TBC1D9B: variants seen among roughly 807,000 people sequenced by gnomAD.
TBC1D9B encodes the protein TBC1 domain family, member 9B (with GRAM domain).
A neutral mutation model predicts 121.1 loss-of-function variants in TBC1D9B; 87 were observed. The ratio of observed to expected loss-of-function variants is 0.72; its 90% CI spans 0.60 to 0.86. The LOEUF (loss-of-function observed/expected upper bound fraction) is 0.86. Ranked by LOEUF, TBC1D9B falls within the 40% of genes least tolerant of loss-of-function variation. The pLI is 0.00. For synonymous variants in TBC1D9B, 668 were observed against 670.1 expected (o/e 1.00, Z 0.05); for missense variants, 1,540 against 1,628.6 (o/e 0.95, Z 0.94).
chr5:179,879,543 A>G, intron 8 of TBC1D9B, 85 bp downstream of exon 8: 1 of 1,594,350 alleles, frequency 6.3e-7, no homozygotes, highest in Non-Finnish European at 8.6e-7. Context: ...CCCTGAGGGA[A>G]GGCCCAGGCC....
intron 17 of TBC1D9B, 124 bp downstream of exon 17, chr5:179,869,645 C>G (rs1461677992): frequency 2.9e-6 from 3 of 1,046,160 alleles, no homozygotes; most frequent in Non-Finnish European, 4.3e-6. Flanking sequence ...CCAATGTGAA[C>G]CTCCAGCCTG....
intron 6 of TBC1D9B, among the ~76,000 whole-genome samples, chr5:179,888,871 C>T (rs1367248788): frequency 2.0e-5 from 3 of 151,952 alleles, no homozygotes; most frequent in Non-Finnish European, 4.4e-5. Flanking sequence ...CCAGGGGAGG[C>T]GGCCACTGAG....
intron 7 of TBC1D9B, among the ~76,000 whole-genome samples, chr5:179,883,466 T>C (rs565141061): frequency 6.6e-6 from 1 of 152,322 alleles, no homozygotes; most frequent in South Asian, 2.1e-4. Context: ...TTTTCTCCTA[T>C]CTCTTCCTTA....
intron 16 of TBC1D9B, 144 bp downstream of exon 16, chr5:179,870,111 C>G: frequency 7.2e-7 from 1 of 1,396,000 alleles, no homozygotes; most frequent in Non-Finnish European, 9.7e-7. Context: ...CGTGGGTAAA[C>G]TGTTCTTCCC....
Position 179,875,224 on chromosome 5 carries a change from C to T in TBC1D9B, c.1901-37G>A. 6.2e-7 allele frequency: 1 copy of T among 1,600,106 alleles called. No homozygotes were observed. Among genetic ancestry groups the T allele is most frequent in the Non-Finnish European group, 8.5e-7 (1 of 1,174,926 alleles). On this transcript the variant is annotated intron_variant, in intron 11 of 20. Transcript: ENST00000355235. This position sits in a 1 kb window ranked among gnomAD's most constrained non-coding sequence, Gnocchi z 4.5. ...ATGAGCGAGGCTGATGGTGAGCCCA[C>T]CCTGTGGCCTGGGTGGGCCCTCACC...
Position 179,891,801 on chromosome 5 carries a change from C to T in TBC1D9B, c.837-215G>A, listed in dbSNP as rs181125235. Reference sequence around the variant, plus strand: ...GAAGGTGAGACAGTCACATAACCAGCGGAGAAGTGGCCAGCAAGCAATGTG... The same window carrying T: ...GAAGGTGAGACAGTCACATAACCAGTGGAGAAGTGGCCAGCAAGCAATGTG... On this transcript the variant is annotated intron_variant, in intron 5 of 20. Coordinates refer to ENST00000355235, the MANE Select transcript of TBC1D9B (RefSeq NM_015043.4). This position sits in a 1 kb window ranked among gnomAD's most constrained non-coding sequence, Gnocchi z 4.3. Among the ~76,000 whole-genome samples the T allele has an allele frequency of 2.0e-4, 31 of 152,276 alleles. No individual in the cohort carries two copies. Among genetic ancestry groups the T allele is most frequent in the Admixed American group, 1.6e-3 (25 of 15,306 alleles).
At chr5:179,893,489 C>A in intron 4 of TBC1D9B, 22 bp from the exon 5 acceptor site, 1 of 1,573,522 alleles carries the variant, frequency 6.4e-7, no homozygotes. Context: ...GAGATAGACA[C>A]ACCGCAAGTT....
intron 7 of TBC1D9B, 52 bp from the exon 8 acceptor site, chr5:179,879,841 G>A: frequency 6.5e-7 from 1 of 1,529,508 alleles, no homozygotes. Flanking sequence ...CTGCCAGGTG[G>A]CCTCTGATGC....
chr5:179,867,567 C>G (rs764112645), intron 18 of TBC1D9B: 12 of 1,535,110 alleles, frequency 7.8e-6, no homozygotes, highest in Middle Eastern at 1.7e-4. Context: ...GACAGAGACA[C>G]AAGAGAAACA....
chr5:179,907,688 C>T lies in TBC1D9B; in HGVS notation c.118+16G>A. On this transcript the variant is annotated intron_variant, in intron 1 of 20. Coordinates refer to ENST00000355235, the MANE Select transcript of TBC1D9B (RefSeq NM_015043.4). This position sits in a 1 kb window ranked among gnomAD's most constrained non-coding sequence, Gnocchi z 5.3. ...GCCGCGGCGCCCACAGGCCCGGCCG[C>T]CCGCGCGCCTCTCACCCGTAAGGCC... The T allele has an allele frequency of 9.2e-7, 1 of 1,084,150 alleles. No homozygotes were observed. The highest frequency in any genetic ancestry group is 1.1e-6 in the Non-Finnish European group (1 of 880,488). 67.2% of individuals were successfully genotyped at this position (1,084,150 alleles called of 1,614,324 possible). A position where few individuals can be genotyped will look rare whatever the true frequency, so the allele number is the denominator to read the frequency against.
chr5:179,867,849 G>A lies in TBC1D9B; in HGVS notation c.2792C>T (p.Ala931Val). Residue 931 changes from alanine to valine, a missense_variant and splice_region_variant, in exon 18 of 21, where the codon GCT (alanine) becomes GTT (valine). Transcript: ENST00000355235. ...KVLYKLHLPP[A>V]LSPEEAESAL... Reference sequence around the variant, plus strand: ...TGACTCGGCTTCCTCTGGGCTCAGAGCTGTGCTTGGAGAGAAGGCAGAGTG... The same window carrying A: ...TGACTCGGCTTCCTCTGGGCTCAGAACTGTGCTTGGAGAGAAGGCAGAGTG... The A allele has an allele frequency of 3.3e-6, 5 of 1,517,520 alleles. No homozygotes were observed. The highest frequency in any genetic ancestry group is 4.4e-6 in the Non-Finnish European group (5 of 1,133,000). 94.0% of individuals were successfully genotyped at this position (1,517,520 alleles called of 1,614,324 possible).
chr5:179,875,682 A>G lies in TBC1D9B; in HGVS notation c.1900+238T>C, dbSNP rs139365436. On this transcript the variant is annotated intron_variant, in intron 11 of 20. Transcript: ENST00000355235. The surrounding 1 kb of genome is among the most constrained non-coding windows in gnomAD (Gnocchi z 4.5). ...TTGAGCATCAGGTTACATGGGGGATATATACTCTCTAGTTTTGATGTTTGA... is the reference window on the plus strand; with the variant it reads ...TTGAGCATCAGGTTACATGGGGGATGTATACTCTCTAGTTTTGATGTTTGA... Among the ~76,000 whole-genome samples the G allele has an allele frequency of 2.9e-3, 441 of 152,344 alleles. 2 individuals are homozygous for G. Among genetic ancestry groups the G allele is most frequent in the African/African-American group, 9.6e-3 (401 of 41,572 alleles).
intron 18 of TBC1D9B, 113 bp from the exon 19 acceptor site, chr5:179,866,001 G>C (rs760164824): frequency 9.8e-6 from 13 of 1,325,660 alleles, no homozygotes; most frequent in African/African-American, 1.5e-5. Context: ...CCCCAGGCCA[G>C]GCCCTGGGGA....
chr5:179,888,235 T>A lies in TBC1D9B; in HGVS notation c.1122A>T (p.Thr374=). The change falls in exon 7 of 21, where the codon ACA becomes ACT. Residue 374 remains threonine, a synonymous_variant. Coordinates refer to ENST00000355235, the MANE Select transcript of TBC1D9B (RefSeq NM_015043.4). ...GGTCTTTCAGGTTGGCAAACAGGAA[T>A]GTCATTTTGCTTTTGGTGCTGATGG... ...PLSISTKSKM[T]FLFANLKDRD... is the part of the protein sequence containing the mutation. The A allele has an allele frequency of 3.1e-6, 5 of 1,611,784 alleles. No homozygotes were observed. Among genetic ancestry groups the A allele is most frequent in the Non-Finnish European group, 4.2e-6 (5 of 1,179,272 alleles).
Position 179,865,731 on chromosome 5 carries a change from A to G in TBC1D9B, c.2914+107T>C. 7.8e-7 allele frequency: 1 copy of G among 1,278,330 alleles called. No homozygotes were observed. The highest frequency in any genetic ancestry group is 1.4e-5 in the South Asian group (1 of 70,028). The allele number at this position is 1,278,330 out of a possible 1,614,324, so 79.2% of individuals were successfully genotyped here. A position where few individuals can be genotyped will look rare whatever the true frequency, so the allele number is the denominator to read the frequency against. On this transcript the variant is annotated intron_variant, in intron 19 of 20. Transcript: ENST00000355235. The surrounding 1 kb of genome is among the most constrained non-coding windows in gnomAD (Gnocchi z 5.1). ...TCCCTGATCGGGGGACGCATCCGCC[A>G]TCTCCCGGGGTAGGGGGCTCCCTGG...
rs1206700808 is a variant in TBC1D9B at position 179,865,011 on chromosome 5, G to A, written c.3021+243C>T. ...TGTCAAAGGTAGCCTACAAGCCTCT[G>A]GCTCCTGGTTCACAGACACTCACTC... On this transcript the variant is annotated intron_variant, in intron 20 of 20. Transcript: ENST00000355235. The surrounding 1 kb of genome is among the most constrained non-coding windows in gnomAD (Gnocchi z 5.1). 6.6e-6 allele frequency among the ~76,000 whole-genome samples: 1 copy of A among 152,178 alleles called. No homozygotes were observed. Among genetic ancestry groups the A allele is most frequent in the Non-Finnish European group, 1.5e-5 (1 of 68,028 alleles).
intron 17 of TBC1D9B, 164 bp downstream of exon 17, chr5:179,869,605 T>C (rs1760124798): frequency 2.6e-6 from 2 of 766,460 alleles, no homozygotes; most frequent in African/African-American, 3.5e-5. Context: ...CAGACCTCTG[T>C]GAAGTGCTCA....
chr5:179,899,459 T>G (rs1761110518), intron 2 of TBC1D9B, 152 bp from the exon 3 acceptor site: 2 of 670,520 alleles, frequency 3.0e-6, no homozygotes, highest in Middle Eastern at 2.7e-4. Context: ...AGCTGATGGA[T>G]ATGTGCATAA....
chr5:179,867,365 CAAAGAGCTT>C, intron 18 of TBC1D9B: 1 of 1,446,214 alleles, frequency 6.9e-7, no homozygotes, highest in South Asian at 1.4e-5. Flanking sequence ...GTCCCTGGGA[CAAAGAGCTT>C]CCAGGCTTCC....
Sources: allele counts gnomAD v4.1 joint callset (sites outside exome capture counted in the v4.1 genomes callset), GRCh38; gene constraint gnomAD v4.1.1; non-coding constraint Gnocchi (gnomAD v3.1); transcripts MANE v1.5; gene names NCBI Gene and HGNC (gene_info 2026-07-23, HGNC 2026-07-21).